SOX5: variants seen among roughly 807,000 people sequenced by gnomAD.
SOX5 encodes SRY-box transcription factor 5.
Under a neutral mutation model 92.0 loss-of-function variants are expected in SOX5, and 9 were observed. That is an observed-to-expected ratio of 0.10 (90% CI 0.06 to 0.17). The LOEUF is 0.17. SOX5 is among the 10% of genes least tolerant of loss of function. The probability of loss-of-function intolerance (pLI) is 1.00; values close to 1 mark genes in which losing one functional copy is unlikely to be tolerated. For synonymous variants in SOX5, 344 were observed against 336.3 expected, an observed-to-expected ratio of 1.02 and a Z score of -0.25; for missense variants, 642 against 944.5, an observed-to-expected ratio of 0.68 and a Z score of 4.20.
intron 4 of SOX5, among the ~76,000 whole-genome samples, chr12:24,030,034 G>A (rs890790168): frequency 2.6e-5 from 4 of 151,816 alleles, no homozygotes; most frequent in Non-Finnish European, 4.4e-5. Flanking sequence ...TCGTTTTACC[G>A]AAGAGAAATT....
At chr12:24,190,083 T>C (rs992135149) in intron 4 of SOX5, among the ~76,000 whole-genome samples, 2 of 152,236 alleles carry the variant, frequency 1.3e-5, no homozygotes, top group African/African-American at 4.8e-5. Flanking sequence ...CTGTCCCAGT[T>C]ACAAATTTGT....
At chr12:24,376,862 C>T (rs1231093624) in intron 1 of SOX5, among the ~76,000 whole-genome samples, 1 of 145,892 alleles carries the variant, frequency 6.9e-6, no homozygotes, top group Non-Finnish European at 1.5e-5. Flanking sequence ...TGCCCCATGC[C>T]CAGCTAATTT....
chr12:24,517,237 G>A (rs1949867936), intron 1 of SOX5, among the ~76,000 whole-genome samples: 1 of 152,166 alleles, frequency 6.6e-6, no homozygotes, highest in East Asian at 1.9e-4. Flanking sequence ...ATTGTGAATA[G>A]TAAATTAACA....
intron 8 of SOX5, among the ~76,000 whole-genome samples, chr12:23,618,228 C>T (rs571532891): frequency 7.9e-5 from 12 of 152,142 alleles, no homozygotes; most frequent in East Asian, 5.8e-4. Flanking sequence ...TTCAAAGCAA[C>T]GGTAAGAAGA....
At chr12:24,335,993 A>ATAT (rs1395314485) in intron 2 of SOX5, among the ~76,000 whole-genome samples, 9 of 138,352 alleles carry the variant, frequency 6.5e-5, no homozygotes, top group East Asian at 2.2e-4. Flanking sequence ...ATATATCCAT[A>ATAT]ATATTAAATT....
chr12:24,455,852 CA>C (rs1291800905), intron 1 of SOX5, among the ~76,000 whole-genome samples: 4 of 152,158 alleles, frequency 2.6e-5, no homozygotes, highest in African/African-American at 9.7e-5. Context: ...CAGAACTGCC[CA>C]CAGTAGAATG....
intron 2 of SOX5, among the ~76,000 whole-genome samples, chr12:24,356,025 A>G (rs969591045): frequency 7.4e-5 from 11 of 148,794 alleles, no homozygotes; most frequent in African/African-American, 2.1e-4. Flanking sequence ...AACATTCAAA[A>G]GGATAAAAAA....
At chr12:24,462,075 A>C (rs2137496495) in intron 1 of SOX5, among the ~76,000 whole-genome samples, 1 of 152,350 alleles carries the variant, frequency 6.6e-6, no homozygotes, top group Admixed American at 6.5e-5. Flanking sequence ...ACAGGGATGC[A>C]TTCTGAGAAA....
At chr12:24,425,209 G>A (rs1966579888) in intron 1 of SOX5, among the ~76,000 whole-genome samples, 1 of 152,164 alleles carries the variant, frequency 6.6e-6, no homozygotes, top group African/African-American at 2.4e-5. Flanking sequence ...TAGGGACTAT[G>A]TCTTCTTCGT....
intron 1 of SOX5, among the ~76,000 whole-genome samples, chr12:24,501,095 CTT>C (rs912653975): frequency 1.3e-5 from 2 of 152,188 alleles, no homozygotes; most frequent in African/African-American, 4.8e-5. Flanking sequence ...TAGCCCATCT[CTT>C]TGATAAAAAC....
chr12:23,788,081 G>A (rs1220344906), intron 3 of SOX5, among the ~76,000 whole-genome samples: 2 of 151,182 alleles, frequency 1.3e-5, no homozygotes, highest in South Asian at 2.1e-4. Context: ...AGGTGTGAAA[G>A]TGTTATTAAA....
At chr12:24,476,573 G>T (rs1382250489) in intron 1 of SOX5, among the ~76,000 whole-genome samples, 1 of 152,150 alleles carries the variant, frequency 6.6e-6, no homozygotes, top group Non-Finnish European at 1.5e-5. Flanking sequence ...TGTCACTGTA[G>T]TTGTTCAAGC....
chr12:23,755,719 G>T lies in SOX5; in HGVS notation c.487C>A (p.Pro163Thr). 2 of 1,560,744 alleles carry T rather than the reference G, an allele frequency of 1.3e-6. No homozygotes were observed. The highest frequency in any genetic ancestry group is 1.7e-6 in the Non-Finnish European group (2 of 1,156,112). The change falls in exon 4 of 15, where the codon CCC becomes ACC. Residue 163 changes from proline (P) to threonine (T), a missense_variant. This residue lies in a region of SOX5 where 324 missense variants were observed against 461.6 expected (regional missense o/e 0.70). Coordinates refer to ENST00000451604, the MANE Select transcript of SOX5 (RefSeq NM_006940.6). ...ELIKNEPEET[P>T]SIEKLLSKDW... ...TTTGAGAGTAGTTTTTCAATACTGG[G>T]GGTTTCTAAGTAAAGAAAAAAAGAA...
chr12:23,831,384 G>A (rs910666614), intron 3 of SOX5, among the ~76,000 whole-genome samples: 8 of 152,042 alleles, frequency 5.3e-5, no homozygotes, highest in African/African-American at 1.4e-4. Flanking sequence ...AATGGTACAG[G>A]TGGGATTAAG....
intron 1 of SOX5, among the ~76,000 whole-genome samples, chr12:24,540,801 G>A (rs1047817232): frequency 1.4e-4 from 21 of 152,166 alleles, no homozygotes; most frequent in Non-Finnish European, 8.8e-5. Context: ...TAGTGCAATC[G>A]TTGTTTTCAA....
chr12:23,655,590 C>T (rs1476030247), intron 7 of SOX5, among the ~76,000 whole-genome samples: 3 of 152,122 alleles, frequency 2.0e-5, no homozygotes, highest in Non-Finnish European at 2.9e-5. Context: ...TTTGCTGACT[C>T]CCTTTCTAGC....
At chr12:23,558,015 A>AG (rs1222773132) in intron 11 of SOX5, among the ~76,000 whole-genome samples, 2 of 151,826 alleles carry the variant, frequency 1.3e-5, no homozygotes, top group Admixed American at 6.6e-5. Flanking sequence ...TAAGAGTGGA[A>AG]GGGCAAAAGA....
chr12:23,750,510 G>T (rs969032379), intron 4 of SOX5, among the ~76,000 whole-genome samples: 1 of 151,818 alleles, frequency 6.6e-6, no homozygotes, highest in African/African-American at 2.4e-5. Context: ...AAGGTTTTAG[G>T]TTAATTGCAT....
chr12:23,949,766 G>GTC (rs143438082), upstream of SOX5: 17,168 of 471,024 alleles, frequency 0.036, 450 homozygotes, highest in African/African-American at 0.19. Context: ...CTCTCTCTCT[G>GTC]TCTCTCTCTC....
Sources: gnomAD v4.1 joint callset for allele counts (sites outside exome capture counted in the v4.1 genomes callset) on GRCh38, gnomAD v4.1.1 for gene constraint, gnomAD v4.1.1 regional missense constraint, MANE v1.5 for transcripts, NCBI Gene and HGNC (gene_info 2026-07-23, HGNC 2026-07-21) for gene names.